The following DDX1 variants were observed in gnomAD, a reference collection of about 807,000 sequenced individuals.
The protein encoded by DDX1 is ATP-dependent RNA helicase DDX1.
In DDX1, 28 loss-of-function variants were observed where a neutral mutation model predicts 108.7. That is an observed-to-expected ratio of 0.26 (90% CI 0.19 to 0.35). The LOEUF (loss-of-function observed/expected upper bound fraction) is 0.35, where lower values mean the gene tolerates loss of function less well. DDX1 is among the 10% of genes least tolerant of loss of function. DDX1 has a pLI of 1.00. For missense variants in DDX1, 710 were observed against 884.5 expected (o/e 0.80, Z 2.50); for synonymous variants, 295 against 288.9 (o/e 1.02, Z -0.21).
At position 15,595,081 on chromosome 2, in the gene DDX1, T is replaced by A. The variant is rs192033282; in HGVS notation, c.17-64T>A. The A allele has an allele frequency of 1.9e-4, 241 of 1,290,466 alleles. No homozygotes were observed. The African/African-American group carries it at 2.5e-3, about 13-fold the overall frequency. 79.9% of individuals were successfully genotyped at this position (1,290,466 alleles called of 1,614,324 possible). A position where few individuals can be genotyped will look rare whatever the true frequency, so the allele number is the denominator to read the frequency against. The stretch of plus-strand genomic sequence containing the variant: ...TTTACCCTGTTTTATGAATAGTAAT[T>A]TTGAGAGCAATGCAATTTATCATTT... On this transcript the variant is annotated intron_variant, in intron 1 of 25. Coordinates refer to ENST00000233084, the MANE Select transcript of DDX1 (RefSeq NM_004939.3).
At chr2:15,611,770 G>C (rs1282868737) in intron 13 of DDX1, among the ~76,000 whole-genome samples, 2 of 103,510 alleles carry the variant, frequency 1.9e-5, no homozygotes, top group African/African-American at 8.8e-5. Context: ...CGGACGGGGT[G>C]GCTGGCCGGG....
intron 13 of DDX1, among the ~76,000 whole-genome samples, chr2:15,609,064 A>G (rs1665714540): frequency 6.6e-6 from 1 of 152,182 alleles, no homozygotes; most frequent in Admixed American, 6.5e-5. Context: ...AAGTGTGGGG[A>G]TAGTGTGGAG....
intron 18 of DDX1, among the ~76,000 whole-genome samples, chr2:15,621,558 G>A (rs994536336): frequency 6.6e-6 from 1 of 151,472 alleles, no homozygotes; most frequent in South Asian, 2.1e-4. Context: ...CTCCCACCTC[G>A]ACCTCCCAAA....
intron 13 of DDX1, among the ~76,000 whole-genome samples, chr2:15,609,402 G>T (rs530260697): frequency 5.9e-5 from 9 of 152,356 alleles, no homozygotes; most frequent in Non-Finnish European, 1.0e-4. Flanking sequence ...TAAGCTGGCT[G>T]TCCCAGCCCA....
intron 1 of DDX1, among the ~76,000 whole-genome samples, chr2:15,593,100 T>C (rs942892503): frequency 1.3e-5 from 2 of 152,028 alleles, no homozygotes; most frequent in African/African-American, 4.8e-5. Context: ...TTTGTATTAT[T>C]AGTAGAGACG....
intron 13 of DDX1, among the ~76,000 whole-genome samples, chr2:15,609,135 G>A (rs1377439309): frequency 6.6e-6 from 1 of 152,196 alleles, no homozygotes; most frequent in Admixed American, 6.5e-5. Flanking sequence ...CAGGGCATCT[G>A]CTTAGTGTAA....
At chr2:15,614,645 G>A (rs1023111163) in intron 14 of DDX1, among the ~76,000 whole-genome samples, 3 of 152,132 alleles carry the variant, frequency 2.0e-5, no homozygotes, top group Non-Finnish European at 4.4e-5. Flanking sequence ...TCTCTTTGTT[G>A]CTCCTTTCTG....
intron 16 of DDX1, among the ~76,000 whole-genome samples, chr2:15,619,868 A>G (rs1573048669): frequency 6.6e-6 from 1 of 152,344 alleles, no homozygotes; most frequent in East Asian, 1.9e-4. Context: ...CTGTAGTTAT[A>G]TCCTTCTTTC....
At chr2:15,613,091 T>C (rs1665826893) in intron 13 of DDX1, 133 bp from the exon 14 acceptor site, 1 of 628,782 alleles carries the variant, frequency 1.6e-6, no homozygotes, top group South Asian at 2.4e-5. Context: ...CAGACTTGTT[T>C]TATTGTAGGC....
chr2:15,621,110 A>G lies in DDX1; in HGVS notation c.1441A>G (p.Ser481Gly). The G allele has an allele frequency of 6.2e-7, 1 of 1,604,304 alleles. No individual in the cohort carries two copies. The highest frequency in any genetic ancestry group is 1.7e-5 in the Admixed American group (1 of 59,270). ...AKDNTRPGANSPEMWSEAIKI... is the reference protein window; with the variant it reads ...AKDNTRPGANGPEMWSEAIKI... ...AGATAACACAAGACCTGGTGCTAATAGTCCAGGTGAGTTAAAAGAGTCAAA... is the reference window on the plus strand; with the variant it reads ...AGATAACACAAGACCTGGTGCTAATGGTCCAGGTGAGTTAAAAGAGTCAAA... Residue 481 changes from serine to glycine, a missense_variant, in exon 18 of 26, where the codon AGT (serine) becomes GGT (glycine). Transcript: ENST00000233084.
intron 13 of DDX1, among the ~76,000 whole-genome samples, chr2:15,610,947 G>T (rs1340701139): frequency 1.3e-5 from 2 of 149,536 alleles, no homozygotes; most frequent in Non-Finnish European, 3.0e-5. Context: ...GATTTGGCAG[G>T]GTCACAGGAC....
chr2:15,621,383 G>C, intron 18 of DDX1: 1 of 336,446 alleles, frequency 3.0e-6, no homozygotes, highest in Non-Finnish European at 5.4e-6. Flanking sequence ...CTCAGCTCAA[G>C]GCAACCTCGG....
chr2:15,605,925 C>T (rs768963443), intron 10 of DDX1, 25 bp from the exon 11 acceptor site: 3 of 1,136,320 alleles, frequency 2.6e-6, no homozygotes, highest in East Asian at 2.8e-5. Context: ...TTGTTTTAAT[C>T]TCTCTCTCTC....
chr2:15,598,313 A>T (rs984816015), intron 5 of DDX1, among the ~76,000 whole-genome samples: 2 of 152,162 alleles, frequency 1.3e-5, no homozygotes, highest in Non-Finnish European at 2.9e-5. Context: ...AATTGATGTA[A>T]CTATTTACAC....
At chr2:15,629,948 TA>T in intron 24 of DDX1, 41 bp from the exon 25 acceptor site, 1 of 1,539,358 alleles carries the variant, frequency 6.5e-7, no homozygotes, top group Non-Finnish European at 8.8e-7. Context: ...CAACTCTTTC[TA>T]AATGAAATTT....
chr2:15,625,247 A>G (rs1236086952), intron 19 of DDX1, among the ~76,000 whole-genome samples: 2 of 152,104 alleles, frequency 1.3e-5, no homozygotes, highest in East Asian at 3.8e-4. Flanking sequence ...GACATTTTTA[A>G]AAAGTCAGAA....
intron 13 of DDX1, among the ~76,000 whole-genome samples, chr2:15,611,729 G>T (rs1226641336): frequency 1.8e-5 from 2 of 109,744 alleles, no homozygotes; most frequent in Non-Finnish European, 1.8e-5. Flanking sequence ...GCGACTGGCC[G>T]GGCGGGGGGC....
intron 3 of DDX1, among the ~76,000 whole-genome samples, chr2:15,595,905 G>A (rs4668937): frequency 0.24 from 36,188 of 151,754 alleles, 5,279 homozygotes; most frequent in African/African-American, 0.41. Flanking sequence ...TTGTTTTTTG[G>A]AAAAGGCCAA....
At chr2:15,603,958 C>A in intron 9 of DDX1, 68 bp downstream of exon 9, 1 of 1,001,926 alleles carries the variant, frequency 1.0e-6, no homozygotes, top group Non-Finnish European at 1.5e-6. Flanking sequence ...TCACTCATGA[C>A]AGAATGAGGG....
Sources: gnomAD v4.1 joint callset for allele counts (sites outside exome capture counted in the v4.1 genomes callset) on GRCh38, gnomAD v4.1.1 for gene constraint, MANE v1.5 for transcripts, NCBI Gene and HGNC (gene_info 2026-07-23, HGNC 2026-07-21) for gene names.